The following KIF16B variants were observed in gnomAD, a reference collection of about 807,000 sequenced individuals.
KIF16B encodes kinesin family member 16B.
A neutral mutation model predicts 156.3 loss-of-function variants in KIF16B; 98 were observed. The ratio of observed to expected loss-of-function variants is 0.63; its 90% CI spans 0.53 to 0.74. KIF16B has a LOEUF of 0.74. Among genes scored for constraint, KIF16B ranks in the 30% least tolerant of loss-of-function variants. The probability of loss-of-function intolerance (pLI) is 0.00; values close to 1 mark genes in which losing one functional copy is unlikely to be tolerated. For missense variants in KIF16B, 1,421 were observed against 1,606.5 expected (o/e 0.88, Z 1.97); for synonymous variants, 564 against 583.7 (o/e 0.97, Z 0.49).
chr20:16,519,042 C>T (rs191691650), intron 3 of KIF16B, among the ~76,000 whole-genome samples: 1 of 152,144 alleles, frequency 6.6e-6, no homozygotes, highest in Non-Finnish European at 1.5e-5. Flanking sequence ...GTCTACAAAC[C>T]TGAGCAAGTT....
intron 1 of KIF16B, among the ~76,000 whole-genome samples, chr20:16,571,145 T>C (rs1568704128): frequency 6.6e-6 from 1 of 152,122 alleles, no homozygotes; most frequent in Non-Finnish European, 1.5e-5. Context: ...TTGTCCACCT[T>C]CCTCAAACCT....
chr20:16,438,683 C>A (rs1400033919), intron 12 of KIF16B, among the ~76,000 whole-genome samples: 1 of 152,136 alleles, frequency 6.6e-6, no homozygotes, highest in South Asian at 2.1e-4. Flanking sequence ...CACCATCCTG[C>A]CTTTCTCCTC....
chr20:16,358,609 G>A (rs1035551062), intron 22 of KIF16B, among the ~76,000 whole-genome samples: 3 of 152,180 alleles, frequency 2.0e-5, no homozygotes, highest in Non-Finnish European at 4.4e-5. Context: ...CTACATGGGA[G>A]GGACCCAACT....
At chr20:16,561,746 T>C (rs2071071710) in intron 1 of KIF16B, among the ~76,000 whole-genome samples, 1 of 152,208 alleles carries the variant, frequency 6.6e-6, no homozygotes, top group Non-Finnish European at 1.5e-5. Context: ...ACAAAATCAC[T>C]TTTGTGGTAT....
chr20:16,279,279 C>T (rs769894959), intron 25 of KIF16B, among the ~76,000 whole-genome samples: 31 of 152,288 alleles, frequency 2.0e-4, no homozygotes, highest in East Asian at 1.9e-4. Flanking sequence ...AAGCTACTAG[C>T]GCTTGGAGTC....
chr20:16,551,633 A>G (rs935885260), intron 1 of KIF16B, among the ~76,000 whole-genome samples: 5 of 152,230 alleles, frequency 3.3e-5, no homozygotes, highest in African/African-American at 1.2e-4. Context: ...TTCATCCCAG[A>G]ATCCTTGAAA....
chr20:16,442,841 T>C (rs2066839701), intron 12 of KIF16B, among the ~76,000 whole-genome samples: 1 of 152,090 alleles, frequency 6.6e-6, no homozygotes, highest in South Asian at 2.1e-4. Context: ...AAGAAGGTGA[T>C]GAAGAATGAG....
chr20:16,275,796 C>T (rs948173903), intron 25 of KIF16B, among the ~76,000 whole-genome samples: 2 of 152,174 alleles, frequency 1.3e-5, no homozygotes, highest in African/African-American at 4.8e-5. Context: ...TTCCACTTTT[C>T]TGCGGGAAGG....
intron 1 of KIF16B, among the ~76,000 whole-genome samples, chr20:16,562,214 G>A (rs2071087546): frequency 6.6e-6 from 1 of 152,134 alleles, no homozygotes; most frequent in Non-Finnish European, 1.5e-5. Flanking sequence ...CCTATAAACT[G>A]TGTATCATTT....
intron 25 of KIF16B, among the ~76,000 whole-genome samples, chr20:16,281,514 C>T (rs903759925): frequency 4.6e-5 from 7 of 152,148 alleles, no homozygotes; most frequent in African/African-American, 1.7e-4. Context: ...TCCATCCAGT[C>T]AAGTCTTCCC....
At chr20:16,571,462 A>G (rs2071447956) in intron 1 of KIF16B, among the ~76,000 whole-genome samples, 1 of 152,102 alleles carries the variant, frequency 6.6e-6, no homozygotes, top group African/African-American at 2.4e-5. Context: ...CCAGGCCTAC[A>G]CTGGCAAGGC....
chr20:16,282,497 G>A (rs2063161570), intron 25 of KIF16B, among the ~76,000 whole-genome samples: 1 of 152,110 alleles, frequency 6.6e-6, no homozygotes, highest in Non-Finnish European at 1.5e-5. Context: ...AAGGCTGTAT[G>A]CCTAGTCCTG....
At chr20:16,422,476 G>GT (rs2066250106) in intron 15 of KIF16B, among the ~76,000 whole-genome samples, 1 of 152,094 alleles carries the variant, frequency 6.6e-6, no homozygotes, top group Non-Finnish European at 1.5e-5. Context: ...GCTATGGGTG[G>GT]TGGGAGCTCC....
At chr20:16,355,666 A>G (rs6111072) in intron 23 of KIF16B, among the ~76,000 whole-genome samples, 30,331 of 152,168 alleles carry the variant, frequency 0.2, 3,656 homozygotes, top group East Asian at 0.62. Context: ...ATAAAGTGTT[A>G]TGAGTCAATG....
chr20:16,384,963 G>C (rs1165374299), intron 17 of KIF16B, among the ~76,000 whole-genome samples: 1 of 152,156 alleles, frequency 6.6e-6, no homozygotes, highest in Non-Finnish European at 1.5e-5. Context: ...TTGGGAGGCT[G>C]AGGCAGGCGG....
chr20:16,332,495 A>C (rs1255853459), intron 24 of KIF16B, among the ~76,000 whole-genome samples: 1 of 152,212 alleles, frequency 6.6e-6, no homozygotes, highest in African/African-American at 2.4e-5. Flanking sequence ...GTTTTCCTTC[A>C]AATACATGAA....
At chr20:16,310,496 C>A (rs1027294287) in intron 25 of KIF16B, among the ~76,000 whole-genome samples, 2 of 152,154 alleles carry the variant, frequency 1.3e-5, no homozygotes, top group Non-Finnish European at 2.9e-5. Flanking sequence ...CAGCTGTGCA[C>A]CATGTGAGTT....
chr20:16,440,531 GCGCACACACACACACACACACACACA>G (rs1160561810), intron 12 of KIF16B, among the ~76,000 whole-genome samples: 1 of 79,440 alleles, frequency 1.3e-5, no homozygotes, highest in African/African-American at 4.9e-5. Flanking sequence ...ACACAAGCGC[GCGCACACACACACACACACACACACA>G]CACACACACA....
intron 1 of KIF16B, 41 bp from the exon 2 acceptor site, chr20:16,528,481 A>T: frequency 7.2e-7 from 1 of 1,386,040 alleles, no homozygotes; most frequent in East Asian, 2.3e-5. Context: ...AAGAGAAAAG[A>T]TTATTAAAAA....
Sources: gnomAD v4.1 joint callset for allele counts (sites outside exome capture counted in the v4.1 genomes callset) on GRCh38, gnomAD v4.1.1 for gene constraint, MANE v1.5 for transcripts, NCBI Gene and HGNC (gene_info 2026-07-23, HGNC 2026-07-21) for gene names.